HECTD4: variants seen among roughly 807,000 people sequenced by gnomAD.
The protein encoded by HECTD4 is probable E3 ubiquitin-protein ligase HECTD4.
Under a neutral mutation model 471.5 loss-of-function variants are expected in HECTD4, and 114 were observed. The ratio of observed to expected loss-of-function variants is 0.24; its 90% CI spans 0.21 to 0.28. The LOEUF (loss-of-function observed/expected upper bound fraction) is 0.28, where lower values mean the gene tolerates loss of function less well. HECTD4 is among the 10% of genes least tolerant of loss of function. The probability of loss-of-function intolerance (pLI) is 1.00; values close to 1 mark genes in which losing one functional copy is unlikely to be tolerated. For missense variants in HECTD4, 3,866 were observed against 5,651.5 expected (o/e 0.68, Z 10.13); for synonymous variants, 2,012 against 2,256.0 (o/e 0.89, Z 3.07).
At position 112,381,895 on chromosome 12, in the gene HECTD4, G is replaced by A; in HGVS notation, c.177+57C>T. On this transcript the variant is annotated intron_variant, in intron 1 of 75. Coordinates refer to ENST00000682272, the MANE Select transcript of HECTD4 (RefSeq NM_001388303.1). The surrounding 1 kb of genome is among the most constrained non-coding windows in gnomAD (Gnocchi z 4.1). ...TGAGGCGAGGAGGGGGCCCGACCCG[G>A]GGGTGCCGGGCGAGTGGGTCAGTCC... is the stretch of plus-strand genomic sequence containing the variant. The A allele has an allele frequency of 8.6e-7, 1 of 1,162,328 alleles. No individual in the cohort carries two copies. Among genetic ancestry groups the A allele is most frequent in the Non-Finnish European group, 1.1e-6 (1 of 928,154 alleles). The allele number at this position is 1,162,328 out of a possible 1,614,324, so 72.0% of individuals were successfully genotyped here.
intron 1 of HECTD4, among the ~76,000 whole-genome samples, chr12:112,346,620 C>CAGAG (rs911195714): frequency 6.6e-6 from 1 of 152,038 alleles, no homozygotes; most frequent in African/African-American, 2.4e-5. Flanking sequence ...CTTGGCTTTC[C>CAGAG]AGAGAGAGAG....
At chr12:112,325,616 T>C (rs2035726192) in intron 1 of HECTD4, among the ~76,000 whole-genome samples, 1 of 152,164 alleles carries the variant, frequency 6.6e-6, no homozygotes, top group Non-Finnish European at 1.5e-5. Context: ...TCATTAGAAA[T>C]TAATATTTTT....
chr12:112,268,067 C>T (rs1053033810), intron 13 of HECTD4, among the ~76,000 whole-genome samples: 11 of 152,218 alleles, frequency 7.2e-5, no homozygotes, highest in Non-Finnish European at 1.0e-4. Flanking sequence ...CGGCGATCCA[C>T]CTGCCATGGC....
chr12:112,190,874 G>A lies in HECTD4; in HGVS notation c.9384C>T (p.Ser3128=), dbSNP rs1235611613. ...LAMAFAEQLL[S]WKSEDSEGKS... Reference sequence around the variant, plus strand: ...TCCCTTCACTGTCCTCTGATTTCCAGGACAGCAGCTGCTCTGCGAAGGCCA... The same window carrying A: ...TCCCTTCACTGTCCTCTGATTTCCAAGACAGCAGCTGCTCTGCGAAGGCCA... Residue 3128 remains serine (S), a synonymous_variant, in exon 60 of 76, where the codon TCC becomes TCT. Transcript: ENST00000682272. 1 of 1,580,334 alleles carries A rather than the reference G, an allele frequency of 6.3e-7. No homozygotes were observed.
At position 112,175,787 on chromosome 12, in the gene HECTD4, C is replaced by T. The variant is rs765073403; in HGVS notation, c.11543G>A (p.Arg3848His). ...GGACAAGATCGCCCTCCAGACGCTA[C>T]GGATATCTTGCCTGGCTCGGTCAAT... is the stretch of plus-strand genomic sequence containing the variant. ...FVIDRARQDIRSVWRAILSCG... is the reference protein window; with the variant it reads ...FVIDRARQDIHSVWRAILSCG... The change falls in exon 66 of 76, where the codon CGT becomes CAT. Residue 3848 changes from arginine to histidine, a missense_variant. Coordinates refer to ENST00000682272, the MANE Select transcript of HECTD4 (RefSeq NM_001388303.1). The T allele has an allele frequency of 8.7e-6, 14 of 1,613,292 alleles. No individual in the cohort carries two copies. The highest frequency in any genetic ancestry group is 2.2e-5 in the East Asian group (1 of 44,882).
chr12:112,272,430 T>C (rs2034435494), intron 11 of HECTD4, among the ~76,000 whole-genome samples: 2 of 152,224 alleles, frequency 1.3e-5, no homozygotes, highest in African/African-American at 4.8e-5. Context: ...CCTTAGTGGT[T>C]GTCAACCAAT....
At chr12:112,232,877 A>G in intron 38 of HECTD4, 127 bp downstream of exon 38, 1 of 776,638 alleles carries the variant, frequency 1.3e-6, no homozygotes, top group Non-Finnish European at 2.1e-6. Flanking sequence ...ACTGACTTCA[A>G]TTTCTCACCT....
chr12:112,209,177 G>A (rs574815198), intron 50 of HECTD4, among the ~76,000 whole-genome samples: 1 of 152,142 alleles, frequency 6.6e-6, no homozygotes, highest in East Asian at 1.9e-4. Context: ...TGGGATTATA[G>A]ATGTGAGCCA....
intron 44 of HECTD4, among the ~76,000 whole-genome samples, chr12:112,220,321 A>G (rs2033051833): frequency 6.6e-6 from 1 of 151,992 alleles, no homozygotes; most frequent in African/African-American, 2.4e-5. Context: ...AGCCCCTACT[A>G]TGGAGGGAAA....
chr12:112,308,963 A>C, intron 5 of HECTD4, 72 bp from the exon 6 acceptor site: 1 of 1,430,316 alleles, frequency 7.0e-7, no homozygotes, highest in Non-Finnish European at 9.2e-7. Context: ...TACAACAGAC[A>C]CAAACAACAT....
Position 112,324,049 on chromosome 12 carries a change from T to C in HECTD4, c.178-4307A>G, listed in dbSNP as rs182979688. 1.3e-3 allele frequency among the ~76,000 whole-genome samples: 69 copies of C among 55,170 alleles called. 1 individual carries two copies. Among genetic ancestry groups the C allele is most frequent in the Admixed American group, 1.4e-3 (6 of 4,352 alleles). 36.2% of individuals were successfully genotyped at this position (55,170 alleles called of 152,430 possible). On this transcript the variant is annotated intron_variant, in intron 1 of 75. Coordinates refer to ENST00000682272, the MANE Select transcript of HECTD4 (RefSeq NM_001388303.1). Reference sequence around the variant, plus strand: ...TCCTTCCTTCCTTCCTTCCTTCCTTTCTTTCTTTCTTTCTTTCTTTCTTTC... The same window carrying C: ...TCCTTCCTTCCTTCCTTCCTTCCTTCCTTTCTTTCTTTCTTTCTTTCTTTC...
intron 34 of HECTD4, 72 bp from the exon 35 acceptor site, chr12:112,237,170 G>T: frequency 7.3e-7 from 1 of 1,367,158 alleles, no homozygotes. Flanking sequence ...TGAGGGGGCG[G>T]CGAGCCCTGT....
chr12:112,275,022 T>C, intron 9 of HECTD4, 62 bp from the exon 10 acceptor site: 2 of 1,039,750 alleles, frequency 1.9e-6, no homozygotes, highest in Admixed American at 2.4e-5. Flanking sequence ...GTTTAAATTT[T>C]AGGCTTTTAA....
chr12:112,204,352 G>A (rs1195355914), intron 53 of HECTD4, 134 bp downstream of exon 53: 1 of 856,786 alleles, frequency 1.2e-6, no homozygotes, highest in Non-Finnish European at 1.8e-6. Context: ...ATGGGGCGGT[G>A]TGGAAGAGGT....
At chr12:112,291,591 A>G (rs910446086) in intron 7 of HECTD4, among the ~76,000 whole-genome samples, 1 of 151,894 alleles carries the variant, frequency 6.6e-6, no homozygotes, top group African/African-American at 2.4e-5. Context: ...AAGAAAAAAG[A>G]GCCAGGCGCA....
chr12:112,362,897 C>G (rs185338075), intron 1 of HECTD4, among the ~76,000 whole-genome samples: 10 of 151,960 alleles, frequency 6.6e-5, no homozygotes, highest in Admixed American at 2.0e-4. Flanking sequence ...AGACGGGGTT[C>G]CACCATGTTT....
At chr12:112,220,124 G>T (rs558247640) in intron 44 of HECTD4, among the ~76,000 whole-genome samples, 1 of 152,254 alleles carries the variant, frequency 6.6e-6, no homozygotes, top group East Asian at 1.9e-4. Context: ...AATAACTTAA[G>T]TAAAGCCCTT....
chr12:112,219,894 C>T (rs2033041937), intron 44 of HECTD4, among the ~76,000 whole-genome samples: 1 of 152,142 alleles, frequency 6.6e-6, no homozygotes, highest in Non-Finnish European at 1.5e-5. Context: ...GCCACCGCGC[C>T]CAGCCTGAAA....
intron 21 of HECTD4, among the ~76,000 whole-genome samples, chr12:112,255,298 C>T (rs1331776587): frequency 6.6e-6 from 1 of 152,152 alleles, no homozygotes; most frequent in Non-Finnish European, 1.5e-5. Flanking sequence ...TGGACTGATG[C>T]TAGGAGAGAT....
Sources: gnomAD v4.1 joint callset for allele counts (sites outside exome capture counted in the v4.1 genomes callset) on GRCh38, gnomAD v4.1.1 for gene constraint, Gnocchi (gnomAD v3.1) non-coding constraint, MANE v1.5 for transcripts, NCBI Gene and HGNC (gene_info 2026-07-23, HGNC 2026-07-21) for gene names.